The following PTPRR variants were observed in gnomAD, a reference collection of about 807,000 sequenced individuals.
The protein encoded by PTPRR is receptor-type tyrosine-protein phosphatase R.
Under a neutral mutation model 77.2 loss-of-function variants are expected in PTPRR, and 38 were observed. The ratio of observed to expected loss-of-function variants is 0.49; its 90% CI spans 0.38 to 0.65. PTPRR has a LOEUF of 0.65. Ranked by LOEUF, PTPRR falls within the 30% of genes least tolerant of loss-of-function variation. PTPRR has a pLI of 0.00. For missense variants in PTPRR, 744 were observed against 799.2 expected (o/e 0.93, Z 0.83); for synonymous variants, 299 against 283.1 (o/e 1.06, Z -0.57).
At chr12:70,866,096 T>C (rs539359390) in intron 2 of PTPRR, among the ~76,000 whole-genome samples, 51 of 151,854 alleles carry the variant, frequency 3.4e-4, no homozygotes, top group South Asian at 8.4e-4. Flanking sequence ...AGATCCAAAA[T>C]TGACACCCTA....
At chr12:70,650,035 T>C (rs1430188187) in intron 13 of PTPRR, among the ~76,000 whole-genome samples, 1 of 152,234 alleles carries the variant, frequency 6.6e-6, no homozygotes, top group Non-Finnish European at 1.5e-5. Context: ...TGTGGTCAAA[T>C]AAATGTGAAA....
At position 70,886,611 on chromosome 12, in the gene PTPRR, T is replaced by C. The variant is rs538405305; in HGVS notation, c.357+6068A>G. ...TTTTGCATTTGCTATTGAAAGGTTA[T>C]AGATACAAAACAAGTATATTTTTAA... On this transcript the variant is annotated intron_variant, in intron 2 of 13. Transcript: ENST00000283228. 3.9e-5 allele frequency among the ~76,000 whole-genome samples: 6 copies of C among 152,334 alleles called. No individual in the cohort carries two copies. The South Asian group carries it at 6.2e-4, about 16-fold the overall frequency.
intron 2 of PTPRR, among the ~76,000 whole-genome samples, chr12:70,789,406 A>G (rs1051655868): frequency 6.6e-6 from 1 of 152,108 alleles, no homozygotes; most frequent in South Asian, 2.1e-4. Context: ...AGCAGTCAGC[A>G]TGACTTAGAA....
intron 10 of PTPRR, among the ~76,000 whole-genome samples, chr12:70,675,530 T>A (rs1256460073): frequency 6.6e-6 from 1 of 152,054 alleles, no homozygotes; most frequent in Non-Finnish European, 1.5e-5. Flanking sequence ...TTTTCGTGAA[T>A]AACACAGAAA....
chr12:70,816,284 C>T (rs11613970), intron 2 of PTPRR, among the ~76,000 whole-genome samples: 3,028 of 151,964 alleles, frequency 0.02, 51 homozygotes, highest in East Asian at 0.059. Context: ...GGAGTATATG[C>T]AAATATGAAA....
At chr12:70,861,064 T>C (rs1227471703) in intron 2 of PTPRR, among the ~76,000 whole-genome samples, 1 of 152,204 alleles carries the variant, frequency 6.6e-6, no homozygotes, top group African/African-American at 2.4e-5. Flanking sequence ...GAATTTAATG[T>C]AGTGCTTAGA....
At position 70,779,166 on chromosome 12, in the gene PTPRR, CTTT is replaced by C. The variant is rs71899092; in HGVS notation, c.358-14391_358-14389del. Among the ~76,000 whole-genome samples the C allele has an allele frequency of 9.5e-4, 137 of 143,468 alleles. 1 individual carries two copies. The highest frequency in any genetic ancestry group is 3.2e-3 in the African/African-American group (124 of 39,080). 94.1% of individuals were successfully genotyped at this position (143,468 alleles called of 152,430 possible). A position where few individuals can be genotyped will look rare whatever the true frequency, so the allele number is the denominator to read the frequency against. On this transcript the variant is annotated intron_variant, in intron 2 of 13. Coordinates refer to ENST00000283228, the MANE Select transcript of PTPRR (RefSeq NM_002849.4). ...CCCAACCCTCCATTCATTTTTAAATCTTTTTTTTTTTTTTTCTTTCAGGAGTTC... is the reference window on the plus strand; with the variant it reads ...CCCAACCCTCCATTCATTTTTAAATCTTTTTTTTTTTTCTTTCAGGAGTTC...
chr12:70,788,865 C>G (rs1237390385), intron 2 of PTPRR: 1 of 1,521,692 alleles, frequency 6.6e-7, no homozygotes, highest in Admixed American at 2.1e-5. Flanking sequence ...TCCATTTGCA[C>G]TCTTCTTTGT....
At chr12:70,719,483 A>C (rs771071458) in intron 6 of PTPRR, among the ~76,000 whole-genome samples, 3 of 152,036 alleles carry the variant, frequency 2.0e-5, no homozygotes, top group Non-Finnish European at 2.9e-5. Flanking sequence ...ACTAAATTAC[A>C]TTAGTAATAT....
intron 6 of PTPRR, among the ~76,000 whole-genome samples, chr12:70,735,409 T>G (rs917385051): frequency 5.3e-5 from 8 of 152,124 alleles, no homozygotes; most frequent in African/African-American, 1.9e-4. Context: ...AGAGAGTGTG[T>G]GCAAGGGACC....
chr12:70,727,222 AT>A (rs56211827), intron 6 of PTPRR, among the ~76,000 whole-genome samples: 31,530 of 149,224 alleles, frequency 0.21, 4,147 homozygotes, highest in East Asian at 0.33. Flanking sequence ...CCTAGTCCCG[AT>A]TTTTTTTTTT....
At chr12:70,758,736 G>A (rs546334920) in intron 4 of PTPRR, among the ~76,000 whole-genome samples, 13 of 152,072 alleles carry the variant, frequency 8.5e-5, no homozygotes. Flanking sequence ...AAGCATAAGG[G>A]GTCTCTTCTC....
intron 1 of PTPRR, among the ~76,000 whole-genome samples, chr12:70,916,036 G>T (rs897085927): frequency 6.6e-6 from 1 of 152,098 alleles, no homozygotes; most frequent in Non-Finnish European, 1.5e-5. Flanking sequence ...TTAATACAGA[G>T]AGGGGAAACT....
intron 10 of PTPRR, among the ~76,000 whole-genome samples, chr12:70,674,595 C>T (rs1040012991): frequency 1.3e-5 from 2 of 152,010 alleles, no homozygotes; most frequent in African/African-American, 2.4e-5. Flanking sequence ...GCACTGTAAT[C>T]GAAGCATATA....
intron 2 of PTPRR, among the ~76,000 whole-genome samples, chr12:70,799,402 A>G (rs1303471602): frequency 2.6e-5 from 4 of 152,280 alleles, no homozygotes; most frequent in Admixed American, 6.5e-5. Context: ...TCGCATGTTT[A>G]TTTCCTCTAA....
chr12:70,798,942 A>AT (rs573833681), intron 2 of PTPRR, among the ~76,000 whole-genome samples: 2 of 152,268 alleles, frequency 1.3e-5, no homozygotes, highest in South Asian at 2.1e-4. Context: ...TGCTCAATAG[A>AT]TTTTTTGTTG....
At chr12:70,718,839 AT>A (rs1889133878) in intron 6 of PTPRR, among the ~76,000 whole-genome samples, 1 of 152,330 alleles carries the variant, frequency 6.6e-6, no homozygotes, top group South Asian at 2.1e-4. Flanking sequence ...TATTTATACC[AT>A]TTTGCACATG....
rs145995943 is a variant in PTPRR, at chr12:70,838,338, G to T, written c.357+54341C>A. The stretch of plus-strand genomic sequence containing the variant: ...ATTTGGTCTCAAAGCAATCCAATTT[G>T]CTTAAGTAGGGCTACTAACTGTTTA... On this transcript the variant is annotated intron_variant, in intron 2 of 13. Coordinates refer to ENST00000283228, the MANE Select transcript of PTPRR (RefSeq NM_002849.4). Among the ~76,000 whole-genome samples the T allele has an allele frequency of 1.3e-3, 191 of 152,278 alleles. 1 individual carries two copies. Among genetic ancestry groups the T allele is most frequent in the Admixed American group, 7.4e-3 (113 of 15,294 alleles).
chr12:70,833,914 T>TA (rs1015092159), intron 2 of PTPRR, among the ~76,000 whole-genome samples: 1 of 152,174 alleles, frequency 6.6e-6, no homozygotes, highest in Non-Finnish European at 1.5e-5. Context: ...ATCACACTTT[T>TA]AAAAGGGCCT....
Sources: gnomAD v4.1 joint callset for allele counts (sites outside exome capture counted in the v4.1 genomes callset) on GRCh38, gnomAD v4.1.1 for gene constraint, MANE v1.5 for transcripts, NCBI Gene and HGNC (gene_info 2026-07-23, HGNC 2026-07-21) for gene names.